The following GLCE variants were observed in gnomAD, a reference collection of about 807,000 sequenced individuals.
GLCE encodes the protein glucuronic acid epimerase.
Under a neutral mutation model 47.9 loss-of-function variants are expected in GLCE, and 19 were observed. The ratio of observed to expected loss-of-function variants is 0.40; its 90% CI spans 0.28 to 0.58. The LOEUF is 0.58. GLCE is among the 20% of genes least tolerant of loss of function. The probability of loss-of-function intolerance (pLI) is 0.48; values close to 1 mark genes in which losing one functional copy is unlikely to be tolerated. For synonymous variants in GLCE, 245 were observed against 263.4 expected (o/e 0.93, Z 0.68); for missense variants, 556 against 743.3 (o/e 0.75, Z 2.93).
intron 2 of GLCE, among the ~76,000 whole-genome samples, chr15:69,222,852 C>A (rs373835813): frequency 2.6e-5 from 4 of 152,094 alleles, no homozygotes; most frequent in East Asian, 3.9e-4. Context: ...ATTTCACATT[C>A]CTGTTTGTGT....
At chr15:69,196,746 G>A (rs1317181779) in intron 1 of GLCE, 2 of 161,340 alleles carry the variant, frequency 1.2e-5, no homozygotes, top group Non-Finnish European at 2.7e-5. Context: ...AAATTAGAAG[G>A]TTGTAAAAGC....
In GLCE at chr15:69,235,093, C is replaced by CTTTTTTTTTTTT. The variant is rs869212730; in HGVS notation, c.-13-20680_-13-20669dup. Among the ~76,000 whole-genome samples, 8 of 62,880 alleles carry CTTTTTTTTTTTT rather than the reference C, an allele frequency of 1.3e-4. 1 individual carries two copies. The highest frequency in any genetic ancestry group is 4.5e-4 in the African/African-American group (6 of 13,346). The allele number at this position is 62,880 out of a possible 152,430, so 41.3% of individuals were successfully genotyped here. The stretch of plus-strand genomic sequence containing the variant: ...CTGATACAGATAGATGAAGATTATT[C>CTTTTTTTTTTTT]TTTTTTTTTTTTTTTTTTTTTTTTT... On this transcript the variant is annotated intron_variant, in intron 2 of 4. Coordinates refer to ENST00000261858, the MANE Select transcript of GLCE (RefSeq NM_015554.3).
intron 1 of GLCE, among the ~76,000 whole-genome samples, chr15:69,170,157 TA>T (rs967631626): frequency 1.2e-4 from 18 of 152,016 alleles, no homozygotes; most frequent in African/African-American, 3.1e-4. Context: ...ACATTAGTTT[TA>T]AAAAAACATT....
chr15:69,236,981 A>G (rs1298773157), intron 2 of GLCE, among the ~76,000 whole-genome samples: 1 of 152,104 alleles, frequency 6.6e-6, no homozygotes, highest in African/African-American at 2.4e-5. Flanking sequence ...TTGACCTGCC[A>G]TTCTGTTAAC....
At chr15:69,241,227 G>A (rs938331220) in intron 2 of GLCE, among the ~76,000 whole-genome samples, 1 of 152,172 alleles carries the variant, frequency 6.6e-6, no homozygotes, top group Non-Finnish European at 1.5e-5. Flanking sequence ...CAGTTGAGCA[G>A]TGTATACAGA....
intron 2 of GLCE, among the ~76,000 whole-genome samples, chr15:69,254,325 T>G (rs938910145): frequency 1.3e-5 from 2 of 152,110 alleles, no homozygotes; most frequent in Admixed American, 6.6e-5. Flanking sequence ...TGCATTGCAA[T>G]CACAACAGGC....
intron 1 of GLCE, among the ~76,000 whole-genome samples, chr15:69,192,958 C>T (rs2051935146): frequency 6.6e-6 from 1 of 152,036 alleles, no homozygotes; most frequent in Non-Finnish European, 1.5e-5. Context: ...TTATTTTGCC[C>T]AGCCTCTTGG....
At chr15:69,202,672 A>G (rs1206307138) in intron 1 of GLCE, among the ~76,000 whole-genome samples, 3 of 152,088 alleles carry the variant, frequency 2.0e-5, no homozygotes, top group Non-Finnish European at 2.9e-5. Flanking sequence ...TGAGATTTAT[A>G]GTCTACACAG....
chr15:69,237,017 A>G (rs1188958799), intron 2 of GLCE, among the ~76,000 whole-genome samples: 1 of 152,166 alleles, frequency 6.6e-6, no homozygotes, highest in Non-Finnish European at 1.5e-5. Flanking sequence ...GAAATTTATA[A>G]TATGGATATT....
chr15:69,212,724 G>T (rs550419213), intron 2 of GLCE, among the ~76,000 whole-genome samples: 1 of 151,982 alleles, frequency 6.6e-6, no homozygotes, highest in African/African-American at 2.4e-5. Flanking sequence ...GTTAGTTACA[G>T]TAGCTATTTG....
chr15:69,248,654 CCTCA>C (rs1366136692), intron 2 of GLCE, among the ~76,000 whole-genome samples: 1 of 151,560 alleles, frequency 6.6e-6, no homozygotes, highest in African/African-American at 2.4e-5. Context: ...TTTTTTGCCC[CCTCA>C]CTCTGTCGCC....
At chr15:69,177,169 G>T (rs1420997003) in intron 1 of GLCE, among the ~76,000 whole-genome samples, 1 of 151,966 alleles carries the variant, frequency 6.6e-6, no homozygotes, top group Admixed American at 6.6e-5. Context: ...ATAGGCATGC[G>T]CCACCACACC....
In GLCE at chr15:69,244,496, A is replaced by G. The variant is rs986625503; in HGVS notation, c.-13-11298A>G. 3.3e-5 allele frequency among the ~76,000 whole-genome samples: 5 copies of G among 152,356 alleles called. No individual in the cohort carries two copies. The East Asian group carries it at 9.6e-4, about 29-fold the overall frequency. ...AATGTCTGAATTCAGTTCGCAGTCT[A>G]GTAACCTGTTATAAGTTAAAATCTT... On this transcript the variant is annotated intron_variant, in intron 2 of 4. Transcript: ENST00000261858.
chr15:69,261,400 T>G (rs888956990), intron 4 of GLCE, 71 bp downstream of exon 4: 1 of 1,430,820 alleles, frequency 7.0e-7, no homozygotes, highest in Non-Finnish European at 9.5e-7. Flanking sequence ...CCTTAAAATT[T>G]TAATATGGTT....
intron 1 of GLCE, among the ~76,000 whole-genome samples, chr15:69,210,087 C>A (rs2052210132): frequency 6.6e-6 from 1 of 152,118 alleles, no homozygotes; most frequent in African/African-American, 2.4e-5. Flanking sequence ...TATGTTCAGT[C>A]TGGATGAAAG....
intron 2 of GLCE, among the ~76,000 whole-genome samples, chr15:69,246,310 C>G (rs1025099880): frequency 2.0e-5 from 3 of 152,180 alleles, no homozygotes; most frequent in Non-Finnish European, 4.4e-5. Context: ...TTAATGGCAT[C>G]TAGAATGGTG....
intron 2 of GLCE, among the ~76,000 whole-genome samples, chr15:69,241,910 G>A (rs564106370): frequency 2.0e-4 from 31 of 152,176 alleles, no homozygotes; most frequent in Middle Eastern, 3.4e-3. Context: ...TCTTTTCCCC[G>A]TCCAGATGAG....
intron 1 of GLCE, among the ~76,000 whole-genome samples, chr15:69,186,385 G>T (rs902219378): frequency 6.6e-6 from 1 of 152,188 alleles, no homozygotes; most frequent in African/African-American, 2.4e-5. Flanking sequence ...GGGGTTAGGA[G>T]CCAGGAACCA....
intron 1 of GLCE, chr15:69,197,229 G>T: frequency 2.4e-6 from 1 of 420,872 alleles, no homozygotes; most frequent in South Asian, 1.8e-5. Flanking sequence ...CTCATCCACC[G>T]TATTCACCTG....
Sources: allele counts gnomAD v4.1 joint callset (sites outside exome capture counted in the v4.1 genomes callset), GRCh38; gene constraint gnomAD v4.1.1; transcripts MANE v1.5; gene names NCBI Gene and HGNC (gene_info 2026-07-23, HGNC 2026-07-21).